The following PHKB variants were observed in gnomAD, a reference collection of about 807,000 sequenced individuals.
PHKB encodes the protein phosphorylase b kinase regulatory subunit beta.
A neutral mutation model predicts 152.1 loss-of-function variants in PHKB; 122 were observed. The ratio of observed to expected loss-of-function variants is 0.80; its 90% CI spans 0.69 to 0.93. The LOEUF (loss-of-function observed/expected upper bound fraction) is 0.93, where lower values mean the gene tolerates loss of function less well. PHKB is among the 40% of genes least tolerant of loss of function. The pLI is 0.00. For synonymous variants in PHKB, 436 were observed against 464.9 expected, an observed-to-expected ratio of 0.94 and a Z score of 0.80; for missense variants, 1,304 against 1,328.4, an observed-to-expected ratio of 0.98 and a Z score of 0.29.
Position 47,674,154 on chromosome 16 carries a change from A to AT in PHKB, c.2630+4751dup, listed in dbSNP as rs554386378. On this transcript the variant is annotated intron_variant, in intron 26 of 30. Transcript: ENST00000323584. ...GTAACTATGATGTGCCAGATGCCAGATTTTTTTTTTTTTTCGTCTTTTGTC... is the reference window on the plus strand; with the variant it reads ...GTAACTATGATGTGCCAGATGCCAGATTTTTTTTTTTTTTTCGTCTTTTGTC... 3.0e-3 allele frequency among the ~76,000 whole-genome samples: 429 copies of AT among 142,866 alleles called. 1 individual carries two copies. The highest frequency in any genetic ancestry group is 4.9e-3 in the East Asian group (24 of 4,906). The allele number at this position is 142,866 out of a possible 152,430, so 93.7% of individuals were successfully genotyped here. A position where few individuals can be genotyped will look rare whatever the true frequency, so the allele number is the denominator to read the frequency against.
chr16:47,556,481 G>A (rs1044891972), intron 7 of PHKB, among the ~76,000 whole-genome samples: 43 of 152,276 alleles, frequency 2.8e-4, no homozygotes, highest in East Asian at 1.2e-3. Flanking sequence ...AGCATGAAGC[G>A]TTGTTGAATT....
chr16:47,520,035 T>C (rs188197689), intron 6 of PHKB, among the ~76,000 whole-genome samples: 1 of 152,188 alleles, frequency 6.6e-6, no homozygotes, highest in African/African-American at 2.4e-5. Flanking sequence ...TGTCCTAGAT[T>C]CTACCTTTTG....
intron 1 of PHKB, among the ~76,000 whole-genome samples, chr16:47,481,279 C>T (rs904307041): frequency 6.6e-6 from 1 of 152,212 alleles, no homozygotes; most frequent in African/African-American, 2.4e-5. Context: ...ATTAGCATCA[C>T]TCCTGTGTAG....
At chr16:47,634,739 A>C (rs188754599) in intron 14 of PHKB, among the ~76,000 whole-genome samples, 43 of 152,296 alleles carry the variant, frequency 2.8e-4, no homozygotes, top group African/African-American at 9.6e-4. Flanking sequence ...TGTTCAAGGG[A>C]CAGAGAGGAC....
chr16:47,549,471 C>T (rs1191223610), intron 7 of PHKB, among the ~76,000 whole-genome samples: 3 of 152,114 alleles, frequency 2.0e-5, no homozygotes, highest in East Asian at 1.9e-4. Context: ...GGGCAGATCA[C>T]CTGACACCGG....
chr16:47,531,685 A>G (rs1597060342), intron 6 of PHKB, among the ~76,000 whole-genome samples: 1 of 152,200 alleles, frequency 6.6e-6, no homozygotes, highest in East Asian at 1.9e-4. Context: ...CCATCAATGT[A>G]TTGCAATATT....
In PHKB at chr16:47,589,316, A is replaced by G. The variant is rs141928088; in HGVS notation, c.1068+214A>G. 2.4e-3 allele frequency among the ~76,000 whole-genome samples: 362 copies of G among 152,370 alleles called. 1 individual carries two copies. The highest frequency in any genetic ancestry group is 8.1e-3 in the African/African-American group (336 of 41,596). ...TTCTTATGACGATTAAATAACTTACATAAAAGTGCTTAGAATAGTGCTTGG... is the reference window on the plus strand; with the variant it reads ...TTCTTATGACGATTAAATAACTTACGTAAAAGTGCTTAGAATAGTGCTTGG... On this transcript the variant is annotated intron_variant, in intron 10 of 30. Coordinates refer to ENST00000323584, the MANE Select transcript of PHKB (RefSeq NM_000293.3).
chr16:47,513,111 T>C (rs1458284076), intron 5 of PHKB, among the ~76,000 whole-genome samples: 4 of 152,346 alleles, frequency 2.6e-5, no homozygotes, highest in Non-Finnish European at 5.9e-5. Flanking sequence ...AGCTTATTTA[T>C]CTTTGTATCC....
At chr16:47,643,606 C>T (rs538256998) in intron 16 of PHKB, among the ~76,000 whole-genome samples, 18 of 152,308 alleles carry the variant, frequency 1.2e-4, no homozygotes, top group Middle Eastern at 6.8e-3. Context: ...CTCTGTGTTC[C>T]TAAGTAGCTG....
At chr16:47,651,547 AC>A (rs1973237920) in intron 20 of PHKB, among the ~76,000 whole-genome samples, 1 of 152,192 alleles carries the variant, frequency 6.6e-6, no homozygotes, top group Admixed American at 6.5e-5. Context: ...GGGCAGCTCT[AC>A]AAAATCATGC....
intron 1 of PHKB, chr16:47,463,004 G>A (rs529494723): frequency 6.5e-6 from 1 of 152,674 alleles, no homozygotes; most frequent in East Asian, 1.9e-4. Flanking sequence ...TAGAAATACT[G>A]AGTTGGCTAC....
At chr16:47,654,162 T>C (rs1421339264) in intron 20 of PHKB, among the ~76,000 whole-genome samples, 1 of 152,208 alleles carries the variant, frequency 6.6e-6, no homozygotes, top group Non-Finnish European at 1.5e-5. Context: ...TTGGTTCAGA[T>C]ATTAGAGTTA....
intron 14 of PHKB, among the ~76,000 whole-genome samples, chr16:47,623,587 G>A (rs1430245076): frequency 1.4e-5 from 2 of 139,500 alleles, no homozygotes; most frequent in African/African-American, 5.4e-5. Flanking sequence ...TTCTTGAGAC[G>A]GAGTCTTGCT....
Position 47,667,910 on chromosome 16 carries a change from G to T in PHKB, c.2428-1305G>T, listed in dbSNP as rs368800153. The stretch of plus-strand genomic sequence containing the variant: ...TGGAAGCCTCAGAGCCTGCCCTAAG[G>T]TTGTGCCTGGACCATTGCTCATCAC... On this transcript the variant is annotated intron_variant, in intron 25 of 30. Coordinates refer to ENST00000323584, the MANE Select transcript of PHKB (RefSeq NM_000293.3). 1.2e-4 allele frequency among the ~76,000 whole-genome samples: 18 copies of T among 152,274 alleles called. No homozygotes were observed. In the East Asian group the frequency reaches 3.3e-3, roughly 28 times the overall value.
chr16:47,698,359 CT>C, intron 29 of PHKB, 88 bp from the exon 30 acceptor site: 1 of 975,666 alleles, frequency 1.0e-6, no homozygotes, highest in Non-Finnish European at 1.7e-6. Flanking sequence ...ATAGAATATC[CT>C]TTGGATCACC....
intron 7 of PHKB, among the ~76,000 whole-genome samples, chr16:47,571,844 G>A (rs1971664626): frequency 6.6e-6 from 1 of 152,310 alleles, no homozygotes; most frequent in African/African-American, 2.4e-5. Context: ...TAGGCAGGAA[G>A]TTGTGGTACT....
intron 14 of PHKB, among the ~76,000 whole-genome samples, chr16:47,640,083 A>C (rs1309388101): frequency 6.6e-6 from 1 of 152,210 alleles, no homozygotes; most frequent in Non-Finnish European, 1.5e-5. Flanking sequence ...TTTGACGATG[A>C]TTCTGGGAAC....
intron 16 of PHKB, among the ~76,000 whole-genome samples, chr16:47,643,077 C>T (rs1973054123): frequency 6.6e-6 from 1 of 152,152 alleles, no homozygotes; most frequent in South Asian, 2.1e-4. Context: ...CAAATTAACC[C>T]AAATCTGTTT....
chr16:47,467,184 G>C (rs1969683529), intron 1 of PHKB, among the ~76,000 whole-genome samples: 1 of 152,036 alleles, frequency 6.6e-6, no homozygotes, highest in African/African-American at 2.4e-5. Context: ...AAAGACTAAT[G>C]ACTTATATAC....
Sources: gnomAD v4.1 joint callset for allele counts (sites outside exome capture counted in the v4.1 genomes callset) on GRCh38, gnomAD v4.1.1 for gene constraint, MANE v1.5 for transcripts, NCBI Gene and HGNC (gene_info 2026-07-23, HGNC 2026-07-21) for gene names.